Variants in CR1 observed in about 807,000 individuals in gnomAD.
CR1 encodes the protein complement C3b/C4b receptor 1 (Knops blood group).
Under a neutral mutation model 187.3 loss-of-function variants are expected in CR1, and 116 were observed. That is an observed-to-expected ratio of 0.62 (90% CI 0.53 to 0.72). CR1 has a LOEUF of 0.72. Ranked by LOEUF, CR1 falls within the 30% of genes least tolerant of loss-of-function variation. CR1 has a pLI of 0.00. For synonymous variants in CR1, 576 were observed against 747.1 expected, an observed-to-expected ratio of 0.77 and a Z score of 3.73; for missense variants, 1,731 against 2,110.7, an observed-to-expected ratio of 0.82 and a Z score of 3.52.
In CR1 at chr1:207,564,130, A is replaced by G; in HGVS notation, c.3764-2A>G. 3.8e-6 allele frequency: 6 copies of G among 1,560,304 alleles called. No individual in the cohort carries two copies. Among genetic ancestry groups the G allele is most frequent in the Non-Finnish European group, 5.2e-6 (6 of 1,155,694 alleles). ...TTTCTGTTCGTTTTTCTTTATCTCC[A>G]GTGAAATCCTGTGATGACTTCATGG... On this transcript the variant is annotated splice_acceptor_variant, in intron 22 of 46. Transcript: ENST00000367049. LOFTEE classifies it high-confidence loss of function.
At chr1:207,498,979 G>A (rs1490812865) in intron 1 of CR1, among the ~76,000 whole-genome samples, 2 of 148,748 alleles carry the variant, frequency 1.3e-5, no homozygotes, top group Non-Finnish European at 3.0e-5. Context: ...GAGAAAAAAA[G>A]CAACAAATAA....
At chr1:207,634,218 T>G (rs1292773050) in intron 46 of CR1, among the ~76,000 whole-genome samples, 1 of 152,196 alleles carries the variant, frequency 6.6e-6, no homozygotes, top group African/African-American at 2.4e-5. Flanking sequence ...TTATGAAAAT[T>G]TCATTTATCC....
At chr1:207,583,806 C>T (rs1169553199) in intron 32 of CR1, among the ~76,000 whole-genome samples, 5 of 152,114 alleles carry the variant, frequency 3.3e-5, no homozygotes, top group Admixed American at 6.6e-5. Flanking sequence ...AAAATACCCT[C>T]ATGAACCCAA....
At chr1:207,582,526 CTAAG>C (rs762792009) in intron 32 of CR1, among the ~76,000 whole-genome samples, 12 of 152,116 alleles carry the variant, frequency 7.9e-5, no homozygotes, top group Non-Finnish European at 1.6e-4. Context: ...TCAAATGATA[CTAAG>C]TGTTATTAAG....
At chr1:207,599,136 A>G (rs950987137) in intron 35 of CR1, 2 of 152,252 alleles carry the variant, frequency 1.3e-5, no homozygotes, top group Admixed American at 6.5e-5. Flanking sequence ...AAGAGCATAC[A>G]ACAGTAGATA....
At chr1:207,636,751 G>A (rs1411975215) in intron 46 of CR1, among the ~76,000 whole-genome samples, 1 of 152,152 alleles carries the variant, frequency 6.6e-6, no homozygotes, top group Non-Finnish European at 1.5e-5. Flanking sequence ...ATTTAAAATG[G>A]CTTTTAATAC....
intron 35 of CR1, among the ~76,000 whole-genome samples, chr1:207,603,455 C>A (rs1661663341): frequency 6.6e-6 from 1 of 152,106 alleles, no homozygotes; most frequent in Non-Finnish European, 1.5e-5. Flanking sequence ...GACTCCCTGT[C>A]TGGAATCATA....
At chr1:207,580,473 ACTC>A (rs1321940468) in intron 30 of CR1, 35 bp from the exon 31 acceptor site, 1 of 1,590,054 alleles carries the variant, frequency 6.3e-7, no homozygotes, top group Admixed American at 1.8e-5. Context: ...TGGAGGTCTT[ACTC>A]CTATTTTTTC....
At chr1:207,608,576 C>A (rs975056601) in intron 36 of CR1, among the ~76,000 whole-genome samples, 7 of 152,096 alleles carry the variant, frequency 4.6e-5, no homozygotes, top group African/African-American at 1.7e-4. Flanking sequence ...ATACAAGGTG[C>A]CTCCCATATC....
At chr1:207,629,760 C>A (rs879322969) in intron 45 of CR1, among the ~76,000 whole-genome samples, 4 of 152,142 alleles carry the variant, frequency 2.6e-5, no homozygotes, top group Non-Finnish European at 5.9e-5. Flanking sequence ...TGTTTATTAA[C>A]CCCCAAAGAG....
chr1:207,498,250 G>A (rs893577005), intron 1 of CR1, among the ~76,000 whole-genome samples: 5 of 152,172 alleles, frequency 3.3e-5, no homozygotes, highest in African/African-American at 9.7e-5. Flanking sequence ...CTAAGAAGTC[G>A]TGCAAGACTG....
At chr1:207,516,545 A>C (rs1392538665) in intron 4 of CR1, among the ~76,000 whole-genome samples, 1 of 152,206 alleles carries the variant, frequency 6.6e-6, no homozygotes, top group Non-Finnish European at 1.5e-5. Context: ...TCCTACTTGA[A>C]TTTGTATTAA....
Position 207,578,214 on chromosome 1 carries a change from C to T in CR1, c.4936+11C>T. 2 of 1,611,826 alleles carry T rather than the reference C, an allele frequency of 1.2e-6. No individual in the cohort carries two copies. Among genetic ancestry groups the T allele is most frequent in the Non-Finnish European group, 1.7e-6 (2 of 1,179,714 alleles). ...CAAGCTGCTCCAGGGGTGAGTCTGA[C>T]TGATGCCTAGAAGGGCCCTGCCAGT... On this transcript the variant is annotated intron_variant, in intron 29 of 46. Transcript: ENST00000367049.
chr1:207,619,564 C>T (rs12036785), intron 42 of CR1, among the ~76,000 whole-genome samples: 1 of 151,992 alleles, frequency 6.6e-6, no homozygotes, highest in East Asian at 1.9e-4. Context: ...TCCCTCACAG[C>T]GTGACCCCAG....
chr1:207,587,432 C>T lies in CR1; in HGVS notation c.5577C>T (p.Ile1859=). ...PEQFPFASPT[I]PINDFEFPVG... is the part of the protein sequence containing the mutation. The stretch of plus-strand genomic sequence containing the variant: ...AGTTTCCATTTGCCAGTCCTACGAT[C>T]CCAATTAATGACTTTGAGTTTCCAG... Residue 1859 remains isoleucine (I), a synonymous_variant, in exon 34 of 47, where the codon ATC becomes ATT. Transcript: ENST00000367049. The T allele has an allele frequency of 1.2e-6, 2 of 1,613,898 alleles. No homozygotes were observed. The highest frequency in any genetic ancestry group is 1.1e-5 in the South Asian group (1 of 91,066).
chr1:207,622,421 TAAG>T (rs1234879758), intron 44 of CR1, among the ~76,000 whole-genome samples: 1 of 152,158 alleles, frequency 6.6e-6, no homozygotes, highest in Non-Finnish European at 1.5e-5. Flanking sequence ...TTTGCCTAAA[TAAG>T]AATAGTTTTG....
At chr1:207,594,138 A>G (rs1661358944) in intron 35 of CR1, among the ~76,000 whole-genome samples, 1 of 152,216 alleles carries the variant, frequency 6.6e-6, no homozygotes, top group Non-Finnish European at 1.5e-5. Flanking sequence ...ATCCTTCTAT[A>G]AAGACACATG....
At chr1:207,591,807 C>CTT (rs1661281248) in intron 35 of CR1, among the ~76,000 whole-genome samples, 1 of 152,156 alleles carries the variant, frequency 6.6e-6, no homozygotes, top group Admixed American at 6.5e-5. Flanking sequence ...TCAGAGAATA[C>CTT]TATAAACACC....
intron 35 of CR1, among the ~76,000 whole-genome samples, chr1:207,598,178 T>C (rs1205464442): frequency 6.6e-6 from 1 of 152,228 alleles, no homozygotes; most frequent in Non-Finnish European, 1.5e-5. Flanking sequence ...GGTTGTATAA[T>C]GTTGTGAATG....
Sources: allele counts gnomAD v4.1 joint callset (sites outside exome capture counted in the v4.1 genomes callset), GRCh38; gene constraint gnomAD v4.1.1; transcripts MANE v1.5; gene names NCBI Gene and HGNC (gene_info 2026-07-23, HGNC 2026-07-21).